Variants in ZFHX3 observed in about 807,000 individuals in gnomAD.
The protein encoded by ZFHX3 is zinc finger homeobox 3, also known as zinc finger homeobox protein 3.
In ZFHX3, 42 loss-of-function variants were observed where a neutral mutation model predicts 279.1. That is an observed-to-expected ratio of 0.15 (90% CI 0.12 to 0.19). ZFHX3 has a LOEUF of 0.19. Among genes scored for constraint, ZFHX3 ranks in the 10% least tolerant of loss-of-function variants. The pLI is 1.00. For synonymous variants in ZFHX3, 2,293 were observed against 1,957.8 expected (o/e 1.17, Z -4.52); for missense variants, 4,981 against 4,754.0 (o/e 1.05, Z -1.40).
At chr16:73,830,771 T>C (rs980546491) in intron 1 of ZFHX3, among the ~76,000 whole-genome samples, 4 of 152,236 alleles carry the variant, frequency 2.6e-5, no homozygotes, top group African/African-American at 9.6e-5. Context: ...ATGAACTGTC[T>C]TATTGCATTC....
Position 72,787,900 on chromosome 16 carries a change from G to C in ZFHX3, c.10376C>G (p.Pro3459Arg). Residue 3459 changes from proline to arginine, a missense_variant, in exon 10 of 10, where the codon CCA (proline) becomes CGA (arginine). Around this residue, in one of 7 missense-constraint regions of ZFHX3, gnomAD observed 1,034 missense variants for 786.0 expected, o/e 1.32. Transcript: ENST00000268489. The stretch of plus-strand genomic sequence containing the variant: ...GCAGACCAACTTGTACTGCACCTTT[G>C]GAACAATGAAGGGGTCGTAGAGGGA... Reference protein sequence around the residue: ...ADSLYDPFIVPKVQYKLVCRK... With the variant: ...ADSLYDPFIVRKVQYKLVCRK... The C allele has an allele frequency of 1.9e-6, 3 of 1,614,036 alleles. No homozygotes were observed. The highest frequency in any genetic ancestry group is 1.7e-6 in the Non-Finnish European group (2 of 1,180,012).
chr16:73,180,464 C>A (rs548401940), intron 5 of ZFHX3, among the ~76,000 whole-genome samples: 7 of 152,258 alleles, frequency 4.6e-5, no homozygotes, highest in Admixed American at 1.3e-4. Flanking sequence ...AGAAGGGAGG[C>A]GGATATAGGA....
intron 1 of ZFHX3, among the ~76,000 whole-genome samples, chr16:72,979,021 C>G (rs1047355140): frequency 1.3e-5 from 2 of 152,228 alleles, no homozygotes; most frequent in Admixed American, 1.3e-4. Context: ...CCAGTTGGTA[C>G]CAACACCTTC....
chr16:73,363,493 C>A (rs147283216), intron 3 of ZFHX3, among the ~76,000 whole-genome samples: 2 of 152,112 alleles, frequency 1.3e-5, no homozygotes, highest in Admixed American at 6.5e-5. Flanking sequence ...ATGCACTCAA[C>A]GTAGATTTGT....
At chr16:73,221,563 T>A (rs1393023781) in intron 5 of ZFHX3, among the ~76,000 whole-genome samples, 1 of 152,060 alleles carries the variant, frequency 6.6e-6, no homozygotes, top group Non-Finnish European at 1.5e-5. Context: ...GCTAAAGAAC[T>A]TACTCATGTA....
At chr16:73,438,157 C>T (rs918438075) in intron 3 of ZFHX3, among the ~76,000 whole-genome samples, 7 of 152,206 alleles carry the variant, frequency 4.6e-5, no homozygotes, top group Non-Finnish European at 8.8e-5. Context: ...ATTTGCCTAA[C>T]TCTCTGGTTC....
intron 5 of ZFHX3, among the ~76,000 whole-genome samples, chr16:72,820,941 A>G (rs1355046584): frequency 1.3e-5 from 2 of 152,184 alleles, no homozygotes; most frequent in East Asian, 1.9e-4. Context: ...GAGTCAAACA[A>G]TAATTAGGTT....
intron 2 of ZFHX3, among the ~76,000 whole-genome samples, chr16:73,509,611 AC>A (rs556418463): frequency 4.3e-5 from 5 of 116,900 alleles, no homozygotes; most frequent in South Asian, 2.8e-4. Flanking sequence ...TGCAACCTCC[AC>A]CCCCTGGGTT....
At chr16:72,914,922 C>G (rs1020720857) in intron 3 of ZFHX3, among the ~76,000 whole-genome samples, 1 of 152,126 alleles carries the variant, frequency 6.6e-6, no homozygotes, top group Non-Finnish European at 1.5e-5. Context: ...ATCTGGGAGG[C>G]AGAGGTTGCA....
intron 2 of ZFHX3, among the ~76,000 whole-genome samples, chr16:73,568,157 T>G (rs1036970709): frequency 1.3e-5 from 2 of 152,194 alleles, no homozygotes; most frequent in Admixed American, 1.3e-4. Context: ...TCCCTTTGTT[T>G]TTAAGTTACT....
intron 1 of ZFHX3, among the ~76,000 whole-genome samples, chr16:73,010,837 C>T (rs1963887793): frequency 6.6e-6 from 1 of 152,180 alleles, no homozygotes; most frequent in Admixed American, 6.5e-5. Flanking sequence ...CAGAGTCTTG[C>T]TCTGTCACCC....
chr16:73,502,474 G>C (rs2143667614), intron 2 of ZFHX3, among the ~76,000 whole-genome samples: 1 of 152,344 alleles, frequency 6.6e-6, no homozygotes, highest in South Asian at 2.1e-4. Flanking sequence ...TACTGGGACA[G>C]TGGCCCATGA....
chr16:72,914,458 T>C (rs2039392016), intron 3 of ZFHX3, among the ~76,000 whole-genome samples: 1 of 152,130 alleles, frequency 6.6e-6, no homozygotes, highest in Non-Finnish European at 1.5e-5. Context: ...GAGTTCACTG[T>C]GACAAAGCAA....
chr16:73,178,640 A>G (rs1967719344), intron 5 of ZFHX3, among the ~76,000 whole-genome samples: 1 of 152,164 alleles, frequency 6.6e-6, no homozygotes, highest in African/African-American at 2.4e-5. Context: ...TGAAAATTCA[A>G]CACAATAGTT....
intron 1 of ZFHX3, among the ~76,000 whole-genome samples, chr16:73,834,911 C>CA (rs1031176712): frequency 4.6e-5 from 7 of 152,042 alleles, no homozygotes; most frequent in South Asian, 2.1e-4. Context: ...AGCGTCTCCC[C>CA]CCGTGGGGTC....
chr16:73,332,413 C>A (rs531983466), intron 3 of ZFHX3, among the ~76,000 whole-genome samples: 2 of 152,248 alleles, frequency 1.3e-5, no homozygotes, highest in East Asian at 3.9e-4. Context: ...TCAGGATGCC[C>A]AACTTGGCCA....
At chr16:73,049,496 G>T (rs1242606618), upstream of ZFHX3, among the ~76,000 whole-genome samples, 1 of 152,252 alleles carries the variant, frequency 6.6e-6, no homozygotes. Flanking sequence ...TTTGCACAAT[G>T]TAAGTTGGGT....
chr16:73,609,663 G>A (rs1567532437), intron 2 of ZFHX3: 1 of 152,068 alleles, frequency 6.6e-6, no homozygotes, highest in Non-Finnish European at 1.5e-5. Flanking sequence ...AAGGAAAGGA[G>A]GGAGGGAGGG....
chr16:72,913,616 G>C (rs1469538182), intron 3 of ZFHX3, among the ~76,000 whole-genome samples: 1 of 152,164 alleles, frequency 6.6e-6, no homozygotes, highest in East Asian at 1.9e-4. Context: ...CCAAGGGTAA[G>C]TTAACACTTT....
Sources: gnomAD v4.1 joint callset for allele counts (sites outside exome capture counted in the v4.1 genomes callset) on GRCh38, gnomAD v4.1.1 for gene constraint, gnomAD v4.1.1 regional missense constraint, MANE v1.5 for transcripts, NCBI Gene and HGNC (gene_info 2026-07-23, HGNC 2026-07-21) for gene names.